The following MACROD1 variants were observed in gnomAD, a reference collection of about 807,000 sequenced individuals.
MACROD1 encodes ADP-ribose glycohydrolase MACROD1.
In MACROD1, 31 loss-of-function variants were observed where a neutral mutation model predicts 41.4. The ratio of observed to expected loss-of-function variants is 0.75; its 90% CI spans 0.56 to 1.01. The LOEUF (loss-of-function observed/expected upper bound fraction) is 1.01, where lower values mean the gene tolerates loss of function less well. Among genes scored for constraint, MACROD1 ranks in the 50% least tolerant of loss-of-function variants. The pLI is 0.00. For missense variants in MACROD1, 473 were observed against 460.0 expected, an observed-to-expected ratio of 1.03 and a Z score of -0.26; for synonymous variants, 252 against 203.4, an observed-to-expected ratio of 1.24 and a Z score of -2.03.
rs773022140 is a variant in MACROD1, at chr11:64,118,152, G to A, written c.517+33087C>T. ...GATGCTGCCCATCAACCCGTACCGC[G>A]CCAAAGAAGAGTACGTGGTCCACAC... is the stretch of plus-strand genomic sequence containing the variant. On this transcript the variant is annotated intron_variant, in intron 3 of 10. Transcript: ENST00000255681. 9.9e-6 allele frequency: 16 copies of A among 1,613,800 alleles called. No homozygotes were observed. The South Asian group carries it at 1.1e-4, about 11-fold the overall frequency.
At chr11:64,019,031 G>C (rs1021134150) in intron 3 of MACROD1, among the ~76,000 whole-genome samples, 1 of 152,130 alleles carries the variant, frequency 6.6e-6, no homozygotes, top group East Asian at 1.9e-4. Flanking sequence ...GGGGCTGAGT[G>C]GGGGACCCGA....
intron 1 of MACROD1, among the ~76,000 whole-genome samples, chr11:64,161,702 G>A (rs1353777335): frequency 2.6e-5 from 4 of 152,356 alleles, no homozygotes; most frequent in East Asian, 1.9e-4. Flanking sequence ...GGGAGGCTGC[G>A]GTGGGCGGAT....
chr11:64,117,869 C>T (rs766081520), intron 3 of MACROD1: 24 of 1,613,982 alleles, frequency 1.5e-5, no homozygotes, highest in African/African-American at 5.3e-5. Flanking sequence ...ACAGCTATGG[C>T]CCTACCACCA....
intron 3 of MACROD1, among the ~76,000 whole-genome samples, chr11:64,056,491 AAGAC>A (rs1239384593): frequency 7.9e-5 from 12 of 152,284 alleles, no homozygotes; most frequent in South Asian, 2.1e-4. Context: ...TACTAGAGAG[AAGAC>A]AGACGGACGG....
At chr11:64,116,227 G>A (rs759361844) in intron 3 of MACROD1, 9 of 1,563,806 alleles carry the variant, frequency 5.8e-6, no homozygotes, top group Middle Eastern at 1.7e-4. Flanking sequence ...AGGTATTCAG[G>A]CTCCAGGCCA....
At chr11:64,093,847 C>T (rs1413448836) in intron 3 of MACROD1, among the ~76,000 whole-genome samples, 1 of 152,204 alleles carries the variant, frequency 6.6e-6, no homozygotes, top group African/African-American at 2.4e-5. Context: ...TTCAATATAC[C>T]ATTGATTCCT....
chr11:64,062,753 C>T (rs921775536), intron 3 of MACROD1, among the ~76,000 whole-genome samples: 1 of 152,180 alleles, frequency 6.6e-6, no homozygotes, highest in African/African-American at 2.4e-5. Flanking sequence ...CCCCAGATGC[C>T]CACCCCAAAA....
At chr11:64,004,482 G>C (rs1942877159) in intron 4 of MACROD1, among the ~76,000 whole-genome samples, 1 of 152,140 alleles carries the variant, frequency 6.6e-6, no homozygotes, top group African/African-American at 2.4e-5. Flanking sequence ...AAGCAGGCAG[G>C]GGCTAATTAA....
At chr11:64,156,800 G>A (rs1449618517) in intron 1 of MACROD1, among the ~76,000 whole-genome samples, 19 of 152,170 alleles carry the variant, frequency 1.2e-4, no homozygotes, top group Admixed American at 1.2e-3. Context: ...GAGGACATCT[G>A]TCAGCCCGTC....
chr11:64,000,762 G>A (rs1381365320), intron 4 of MACROD1, among the ~76,000 whole-genome samples: 2 of 151,972 alleles, frequency 1.3e-5, no homozygotes, highest in South Asian at 2.1e-4. Flanking sequence ...CAGGGCCCGC[G>A]ACCAGTCGCT....
At chr11:64,111,105 G>A (rs1456498738) in intron 3 of MACROD1, among the ~76,000 whole-genome samples, 1 of 152,250 alleles carries the variant, frequency 6.6e-6, no homozygotes, top group Non-Finnish European at 1.5e-5. Flanking sequence ...TTATGATGCT[G>A]AGGCCTCTGA....
chr11:64,095,673 C>T (rs75473162), intron 3 of MACROD1, among the ~76,000 whole-genome samples: 3,498 of 152,292 alleles, frequency 0.023, 63 homozygotes, highest in Non-Finnish European at 0.036. Context: ...GGACTGGAAT[C>T]CCCAGCTCAC....
At chr11:64,055,352 C>T (rs1027826288) in intron 3 of MACROD1, among the ~76,000 whole-genome samples, 9 of 152,224 alleles carry the variant, frequency 5.9e-5, no homozygotes, top group Admixed American at 4.6e-4. Context: ...CTGGAAGCAG[C>T]CCGGTTTCTG....
Position 64,036,116 on chromosome 11 carries a change from C to T in MACROD1, c.518-20835G>A, listed in dbSNP as rs1943375166. ...TAACCCCTGAGGCTCCAGCCGTCAC[C>T]GCAAAGTTTCCCGAGGAGACCCGCC... On this transcript the variant is annotated intron_variant, in intron 3 of 10. Coordinates refer to ENST00000255681, the MANE Select transcript of MACROD1 (RefSeq NM_014067.4). This position sits in a 1 kb window ranked among gnomAD's most constrained non-coding sequence, Gnocchi z 5.6. The T allele has an allele frequency of 6.6e-6, 1 of 151,928 alleles. No homozygotes were observed. The highest frequency in any genetic ancestry group is 1.5e-5 in the Non-Finnish European group (1 of 67,980). The allele number at this position is 151,928 out of a possible 1,614,324, so 9.4% of individuals were successfully genotyped here. A position where few individuals can be genotyped will look rare whatever the true frequency, so the allele number is the denominator to read the frequency against.
rs941738621 is a variant in MACROD1, at chr11:64,164,716, C to A, written c.298+981G>T. Among the ~76,000 whole-genome samples, 9 of 152,362 alleles carry A rather than the reference C, an allele frequency of 5.9e-5. No homozygotes were observed. The East Asian group carries it at 1.7e-3, about 29-fold the overall frequency. On this transcript the variant is annotated intron_variant, in intron 1 of 10. Transcript: ENST00000255681. ...TCACCCCTAACACCGCAGGACCCCC[C>A]CATCCTGCCTGCCCAGCCCAGAGGC...
chr11:64,006,820 A>G (rs936712081), intron 4 of MACROD1, among the ~76,000 whole-genome samples: 1 of 152,164 alleles, frequency 6.6e-6, no homozygotes, highest in East Asian at 1.9e-4. Flanking sequence ...TCCACCTGCA[A>G]AATGGAGACG....
intron 3 of MACROD1, among the ~76,000 whole-genome samples, chr11:64,139,943 G>A (rs1306575546): frequency 7.4e-6 from 1 of 135,602 alleles, no homozygotes; most frequent in Non-Finnish European, 1.6e-5. Flanking sequence ...GTGACAGAGC[G>A]AGACTCAGTC....
At chr11:64,070,931 T>C (rs1041211876) in intron 3 of MACROD1, among the ~76,000 whole-genome samples, 56 of 151,736 alleles carry the variant, frequency 3.7e-4, no homozygotes, top group South Asian at 4.2e-4. Context: ...CTTCTAGGGG[T>C]TGGTTAAGTA....
chr11:64,127,383 C>A (rs1945200533), intron 3 of MACROD1, among the ~76,000 whole-genome samples: 1 of 151,994 alleles, frequency 6.6e-6, no homozygotes, highest in Non-Finnish European at 1.5e-5. Context: ...CCCACCCCCT[C>A]CCCGGGCCTT....
Sources: gnomAD v4.1 joint callset for allele counts (sites outside exome capture counted in the v4.1 genomes callset) on GRCh38, gnomAD v4.1.1 for gene constraint, Gnocchi (gnomAD v3.1) non-coding constraint, MANE v1.5 for transcripts, NCBI Gene and HGNC (gene_info 2026-07-23, HGNC 2026-07-21) for gene names.